CDH13: variants seen among roughly 807,000 people sequenced by gnomAD.
The protein encoded by CDH13 is cadherin-13.
In CDH13, 24 loss-of-function variants were observed where a neutral mutation model predicts 63.8. The observed-to-expected ratio is 0.38, with a 90% CI of 0.27 to 0.53. The LOEUF is 0.53. Among genes scored for constraint, CDH13 ranks in the 20% least tolerant of loss-of-function variants. The probability of loss-of-function intolerance (pLI) is 0.85; values close to 1 mark genes in which losing one functional copy is unlikely to be tolerated. For synonymous variants in CDH13, 503 were observed against 355.3 expected (o/e 1.42, Z -4.67); for missense variants, 1,049 against 903.1 (o/e 1.16, Z -2.07).
At chr16:83,750,336 T>C (rs900329026) in intron 11 of CDH13, among the ~76,000 whole-genome samples, 1 of 152,216 alleles carries the variant, frequency 6.6e-6, no homozygotes, top group African/African-American at 2.4e-5. Flanking sequence ...GTTTTGCTTA[T>C]GTTTGCAAAT....
chr16:82,882,728 C>T (rs2040750834), intron 2 of CDH13, among the ~76,000 whole-genome samples: 1 of 151,688 alleles, frequency 6.6e-6, no homozygotes, highest in Non-Finnish European at 1.5e-5. Flanking sequence ...GTATGTATGT[C>T]TAATACATAC....
At chr16:83,487,994 G>A (rs1229836771) in intron 7 of CDH13, among the ~76,000 whole-genome samples, 1 of 152,192 alleles carries the variant, frequency 6.6e-6, no homozygotes, top group Non-Finnish European at 1.5e-5. Flanking sequence ...CAGTTGGCAT[G>A]TGCTAATTAG....
chr16:83,391,232 C>A (rs77427306), intron 6 of CDH13, among the ~76,000 whole-genome samples: 3,035 of 149,542 alleles, frequency 0.02, 80 homozygotes, highest in African/African-American at 0.068. Flanking sequence ...TTTGAGACAG[C>A]GTCTTACCCG....
At chr16:83,782,093 C>T (rs1318831577) in intron 12 of CDH13, among the ~76,000 whole-genome samples, 2 of 152,138 alleles carry the variant, frequency 1.3e-5, no homozygotes, top group South Asian at 2.1e-4. Flanking sequence ...TTTTATTTCC[C>T]TGTCATTACT....
chr16:83,327,696 C>T (rs754448498), intron 5 of CDH13, among the ~76,000 whole-genome samples: 9 of 152,156 alleles, frequency 5.9e-5, no homozygotes, highest in Non-Finnish European at 5.9e-5. Flanking sequence ...AGGAGTTACT[C>T]TTTTTGATCA....
At chr16:82,878,781 C>T (rs2040593620) in intron 2 of CDH13, among the ~76,000 whole-genome samples, 3 of 151,930 alleles carry the variant, frequency 2.0e-5, no homozygotes, top group African/African-American at 7.3e-5. Flanking sequence ...CATTTCAAAG[C>T]ACCAAGAGTC....
intron 4 of CDH13, among the ~76,000 whole-genome samples, chr16:83,147,127 C>A (rs186831245): frequency 6.6e-6 from 1 of 152,054 alleles, no homozygotes; most frequent in African/African-American, 2.4e-5. Flanking sequence ...AAAGGTGGAG[C>A]GATAGCATAG....
intron 5 of CDH13, among the ~76,000 whole-genome samples, chr16:83,280,518 G>A (rs948982434): frequency 6.6e-6 from 1 of 152,156 alleles, no homozygotes; most frequent in Non-Finnish European, 1.5e-5. Context: ...CATCCATGAG[G>A]GTTGGAATCA....
chr16:82,698,172 G>T (rs2030562534), intron 1 of CDH13, among the ~76,000 whole-genome samples: 1 of 152,208 alleles, frequency 6.6e-6, no homozygotes. Flanking sequence ...TGGAGCATTG[G>T]TAAGAATGAG....
chr16:83,401,471 C>T (rs2091967258), intron 6 of CDH13, among the ~76,000 whole-genome samples: 2 of 152,168 alleles, frequency 1.3e-5, no homozygotes, highest in South Asian at 2.1e-4. Context: ...GAGATCGCAT[C>T]ACTGCACTCC....
intron 5 of CDH13, among the ~76,000 whole-genome samples, chr16:83,331,032 C>A (rs1208619595): frequency 2.6e-5 from 4 of 152,124 alleles, no homozygotes; most frequent in African/African-American, 7.2e-5. Flanking sequence ...TATTTATTTT[C>A]TGTGAGATGG....
Position 83,316,247 on chromosome 16 carries a change from G to A in CDH13, c.637-28615G>A, listed in dbSNP as rs117493507. Reference sequence around the variant, plus strand: ...CCCAAACACGTGGGGATTACAATTCGGATTTCAATTCAAGGTGAGATTTAG... The same window carrying A: ...CCCAAACACGTGGGGATTACAATTCAGATTTCAATTCAAGGTGAGATTTAG... On this transcript the variant is annotated intron_variant, in intron 5 of 13. Coordinates refer to ENST00000567109, the MANE Select transcript of CDH13 (RefSeq NM_001257.5). 6.9e-3 allele frequency among the ~76,000 whole-genome samples: 1,045 copies of A among 152,218 alleles called. 8 individuals are homozygous for A. The highest frequency in any genetic ancestry group is 0.02 in the Middle Eastern group (6 of 294).
chr16:82,718,017 C>T (rs2032505545), intron 1 of CDH13, among the ~76,000 whole-genome samples: 1 of 152,156 alleles, frequency 6.6e-6, no homozygotes, highest in South Asian at 2.1e-4. Flanking sequence ...AGTTGGGTTC[C>T]CACAGAAGCA....
intron 3 of CDH13, among the ~76,000 whole-genome samples, chr16:83,115,118 C>T (rs565798902): frequency 1.3e-5 from 2 of 152,172 alleles, no homozygotes; most frequent in Non-Finnish European, 2.9e-5. Context: ...CAAGCACAGA[C>T]CTCCTTGAAA....
chr16:83,654,037 A>T (rs1054075352), intron 8 of CDH13, among the ~76,000 whole-genome samples: 1 of 152,104 alleles, frequency 6.6e-6, no homozygotes, highest in African/African-American at 2.4e-5. Flanking sequence ...TGGGTGGGGT[A>T]ATGAATGCAC....
intron 10 of CDH13, 120 bp from the exon 11 acceptor site, chr16:83,747,988 T>C: frequency 2.0e-6 from 2 of 1,013,416 alleles, no homozygotes; most frequent in South Asian, 1.4e-5. Context: ...GAAATGATGG[T>C]TTTGGATTTT....
intron 6 of CDH13, among the ~76,000 whole-genome samples, chr16:83,387,685 G>A (rs1360024492): frequency 6.6e-6 from 1 of 152,156 alleles, no homozygotes; most frequent in Non-Finnish European, 1.5e-5. Context: ...GGCAAGTCTT[G>A]GACATGGTTG....
chr16:82,796,419 A>T, intron 1 of CDH13, among the ~76,000 whole-genome samples: 1 of 152,162 alleles, frequency 6.6e-6, no homozygotes, highest in Non-Finnish European at 1.5e-5. Flanking sequence ...TTATGGAACT[A>T]CCAGATACTG....
intron 1 of CDH13, chr16:82,719,494 G>A: frequency 2.2e-6 from 1 of 454,338 alleles, no homozygotes; most frequent in South Asian, 1.6e-5. Flanking sequence ...CATGAGATGT[G>A]AAGGCAGTGA....
Sources: gnomAD v4.1 joint callset for allele counts (sites outside exome capture counted in the v4.1 genomes callset) on GRCh38, gnomAD v4.1.1 for gene constraint, MANE v1.5 for transcripts, NCBI Gene and HGNC (gene_info 2026-07-23, HGNC 2026-07-21) for gene names.